The following LRCH1 variants were observed in gnomAD, a reference collection of about 807,000 sequenced individuals.
LRCH1 encodes leucine rich repeats and calponin homology domain containing 1, also known as leucine-rich repeat and calponin homology domain-containing protein 1.
A neutral mutation model predicts 94.9 loss-of-function variants in LRCH1; 23 were observed. The observed-to-expected ratio is 0.24, with a 90% CI of 0.17 to 0.34. The LOEUF (loss-of-function observed/expected upper bound fraction) is 0.34. LRCH1 is among the 10% of genes least tolerant of loss of function. The probability of loss-of-function intolerance (pLI) is 1.00; values close to 1 mark genes in which losing one functional copy is unlikely to be tolerated. For synonymous variants in LRCH1, 364 were observed against 354.9 expected, an observed-to-expected ratio of 1.03 and a Z score of -0.29; for missense variants, 790 against 945.9, an observed-to-expected ratio of 0.84 and a Z score of 2.16.
At chr13:46,713,162 A>C (rs1276021806) in intron 15 of LRCH1, among the ~76,000 whole-genome samples, 2 of 152,244 alleles carry the variant, frequency 1.3e-5, no homozygotes, top group Non-Finnish European at 1.5e-5. Context: ...AAATTATAGC[A>C]ATGTACAAAA....
rs141317187 is a variant in LRCH1 at position 46,608,955 on chromosome 13, C to T, written c.308-41246C>T. 1.6e-4 allele frequency among the ~76,000 whole-genome samples: 24 copies of T among 152,276 alleles called. No homozygotes were observed. The East Asian group carries it at 4.4e-3, about 28-fold the overall frequency. ...GGAGCTTGCTTTTCCCTCACTTGCTCATCTCATGAGGGGAAGCATGTATTA... is the reference window on the plus strand; with the variant it reads ...GGAGCTTGCTTTTCCCTCACTTGCTTATCTCATGAGGGGAAGCATGTATTA... On this transcript the variant is annotated intron_variant, in intron 1 of 19. Coordinates refer to ENST00000389797, the MANE Select transcript of LRCH1 (RefSeq NM_001164211.2).
intron 1 of LRCH1, among the ~76,000 whole-genome samples, chr13:46,556,731 G>A (rs1049275987): frequency 1.3e-5 from 2 of 152,096 alleles, no homozygotes; most frequent in African/African-American, 2.4e-5. Flanking sequence ...GCAGCCTCAC[G>A]TTAATTCATG....
intron 5 of LRCH1, among the ~76,000 whole-genome samples, chr13:46,686,592 C>T (rs1042201093): frequency 6.6e-6 from 1 of 151,930 alleles, no homozygotes; most frequent in African/African-American, 2.4e-5. Flanking sequence ...TTGTAAGGCT[C>T]CCTTCCTTGG....
chr13:46,624,161 G>A lies in LRCH1; in HGVS notation c.308-26040G>A, dbSNP rs137992662. On this transcript the variant is annotated intron_variant, in intron 1 of 19. Transcript: ENST00000389797. ...AGCCTCCCAAAGTGCTGGGATTATA[G>A]GTGTGAGCCACTACACCCAGGCCCT... Among the ~76,000 whole-genome samples, 189 of 152,190 alleles carry A rather than the reference G, an allele frequency of 1.2e-3. 1 individual carries two copies. The highest frequency in any genetic ancestry group is 4.4e-3 in the African/African-American group (181 of 41,504).
chr13:46,704,603 G>A (rs1871655916), intron 11 of LRCH1, among the ~76,000 whole-genome samples: 3 of 151,972 alleles, frequency 2.0e-5, no homozygotes, highest in Admixed American at 2.0e-4. Flanking sequence ...TTTAGAAACT[G>A]TTTGAGACTA....
chr13:46,608,240 C>A (rs955134498), intron 1 of LRCH1, among the ~76,000 whole-genome samples: 1 of 152,148 alleles, frequency 6.6e-6, no homozygotes, highest in African/African-American at 2.4e-5. Context: ...AAAGTGCAGA[C>A]GTGTTCTTGT....
chr13:46,560,588 T>C (rs145772796), intron 1 of LRCH1, among the ~76,000 whole-genome samples: 91 of 152,324 alleles, frequency 6.0e-4, no homozygotes, highest in African/African-American at 2.0e-3. Flanking sequence ...CAACTATTTT[T>C]CCATAGTGAA....
intron 1 of LRCH1, among the ~76,000 whole-genome samples, chr13:46,623,693 G>GTTTT (rs5803361): frequency 1.3e-4 from 17 of 128,502 alleles, no homozygotes; most frequent in Non-Finnish European, 2.1e-4. Context: ...CCCTGTCTCT[G>GTTTT]TTTTTTTTTT....
intron 1 of LRCH1, among the ~76,000 whole-genome samples, chr13:46,612,746 A>G (rs758444233): frequency 6.6e-6 from 1 of 152,198 alleles, no homozygotes; most frequent in Non-Finnish European, 1.5e-5. Context: ...CTCCTTGTGC[A>G]TGTCTTGCTG....
chr13:46,586,482 C>T (rs1455876810), intron 1 of LRCH1, among the ~76,000 whole-genome samples: 1 of 152,182 alleles, frequency 6.6e-6, no homozygotes, highest in African/African-American at 2.4e-5. Context: ...GAGGTGCAAT[C>T]TTAGCTCACT....
At chr13:46,638,719 C>T (rs1320471661) in intron 1 of LRCH1, among the ~76,000 whole-genome samples, 1 of 152,154 alleles carries the variant, frequency 6.6e-6, no homozygotes, top group Non-Finnish European at 1.5e-5. Context: ...TCTTACATGG[C>T]CTCATGCCTA....
chr13:46,557,405 C>T (rs1054535847), intron 1 of LRCH1, among the ~76,000 whole-genome samples: 1 of 150,842 alleles, frequency 6.6e-6, no homozygotes, highest in East Asian at 2.0e-4. Context: ...TTTGAGTTGG[C>T]TCTAAGCAGG....
Position 46,694,953 on chromosome 13 carries a change from G to T in LRCH1, c.1181G>T (p.Gly394Val), listed in dbSNP as rs766549404. 4 of 1,614,140 alleles carry T rather than the reference G, an allele frequency of 2.5e-6. No individual in the cohort carries two copies. Among genetic ancestry groups the T allele is most frequent in the Non-Finnish European group, 2.5e-6 (3 of 1,179,970 alleles). Reference sequence around the variant, plus strand: ...CTTTTGGGTGACAGCACCAACTCAGGAGAAGAAAGAGACCAGTTTACTGAT... The same window carrying T: ...CTTTTGGGTGACAGCACCAACTCAGTAGAAGAAAGAGACCAGTTTACTGAT... ...PSLLGDSTNS[G>V]EERDQFTDRA... The change falls in exon 9 of 20, where the codon GGA becomes GTA. Residue 394 changes from glycine to valine, a missense_variant. Around this residue, in one of 3 missense-constraint regions of LRCH1, gnomAD observed 460 missense variants for 508.9 expected, o/e 0.90. Transcript: ENST00000389797.
chr13:46,608,399 T>C (rs2050711597), intron 1 of LRCH1, among the ~76,000 whole-genome samples: 1 of 152,256 alleles, frequency 6.6e-6, no homozygotes. Flanking sequence ...TGGGGTAACA[T>C]TGACTTGTAT....
chr13:46,572,432 A>G (rs2050250858), intron 1 of LRCH1, among the ~76,000 whole-genome samples: 1 of 152,222 alleles, frequency 6.6e-6, no homozygotes, highest in South Asian at 2.1e-4. Flanking sequence ...GTCAGCTTTT[A>G]GTAAAAGATA....
chr13:46,750,176 G>A (rs1490828225), intron 18 of LRCH1, among the ~76,000 whole-genome samples: 1 of 152,136 alleles, frequency 6.6e-6, no homozygotes, highest in Non-Finnish European at 1.5e-5. Context: ...AAATGTGTCA[G>A]GGGCTATTTG....
At chr13:46,719,526 G>T (rs931896328) in intron 16 of LRCH1, among the ~76,000 whole-genome samples, 1 of 152,208 alleles carries the variant, frequency 6.6e-6, no homozygotes, top group African/African-American at 2.4e-5. Flanking sequence ...CAGAGATGAG[G>T]ATGGGGTAAA....
At chr13:46,624,511 G>A (rs887135192) in intron 1 of LRCH1, among the ~76,000 whole-genome samples, 3 of 152,102 alleles carry the variant, frequency 2.0e-5, no homozygotes, top group South Asian at 2.1e-4. Context: ...TTCATTTTTC[G>A]TTGGTGAGAG....
chr13:46,684,621 TG>T (rs1393453464), intron 4 of LRCH1, among the ~76,000 whole-genome samples: 3 of 152,208 alleles, frequency 2.0e-5, no homozygotes, highest in Non-Finnish European at 2.9e-5. Context: ...CCTCTTATCA[TG>T]GAATCTTCAT....
Sources: allele counts gnomAD v4.1 joint callset (sites outside exome capture counted in the v4.1 genomes callset), GRCh38; gene constraint gnomAD v4.1.1; regional missense constraint gnomAD v4.1.1; transcripts MANE v1.5; gene names NCBI Gene and HGNC (gene_info 2026-07-23, HGNC 2026-07-21).